Variants in RASAL2 observed in about 807,000 individuals in gnomAD.
RASAL2 encodes the protein ras GTPase-activating protein nGAP.
RASAL2 carries 58 observed loss-of-function variants against 128.9 expected under a neutral mutation model. That is an observed-to-expected ratio of 0.45 (90% CI 0.36 to 0.56). The LOEUF is 0.56. Among genes scored for constraint, RASAL2 ranks in the 20% least tolerant of loss-of-function variants. The probability of loss-of-function intolerance (pLI) is 0.00; values close to 1 mark genes in which losing one functional copy is unlikely to be tolerated. For synonymous variants in RASAL2, 561 were observed against 580.8 expected (o/e 0.97, Z 0.49); for missense variants, 1,360 against 1,601.6 (o/e 0.85, Z 2.57).
intron 1 of RASAL2, among the ~76,000 whole-genome samples, chr1:178,136,116 T>G (rs765971862): frequency 2.0e-5 from 3 of 152,190 alleles, no homozygotes; most frequent in South Asian, 4.1e-4. Flanking sequence ...ATAAAAGAAA[T>G]AAAGATAGTG....
At chr1:178,140,825 A>T (rs866266859) in intron 1 of RASAL2, among the ~76,000 whole-genome samples, 1 of 152,240 alleles carries the variant, frequency 6.6e-6, no homozygotes, top group Non-Finnish European at 1.5e-5. Context: ...CCCCCAGTGT[A>T]TTCGGTAATT....
intron 3 of RASAL2, among the ~76,000 whole-genome samples, chr1:178,327,011 G>T (rs1220460762): frequency 1.3e-5 from 2 of 152,072 alleles, no homozygotes; most frequent in Non-Finnish European, 2.9e-5. Context: ...ATATTGAAAG[G>T]CTCTTAATAA....
chr1:178,313,922 C>A (rs374399996), intron 3 of RASAL2, among the ~76,000 whole-genome samples: 15 of 152,198 alleles, frequency 9.9e-5, no homozygotes, highest in African/African-American at 3.6e-4. Context: ...TTATTATAAT[C>A]TAATAGACAA....
At chr1:178,429,977 C>T (rs765431609) in intron 5 of RASAL2, among the ~76,000 whole-genome samples, 14 of 152,074 alleles carry the variant, frequency 9.2e-5, no homozygotes, top group Non-Finnish European at 1.8e-4. Context: ...CTGAGTCCAA[C>T]TCTGCATACT....
At chr1:178,262,523 G>C (rs1363688747) in intron 1 of RASAL2, among the ~76,000 whole-genome samples, 1 of 152,124 alleles carries the variant, frequency 6.6e-6, no homozygotes, top group Non-Finnish European at 1.5e-5. Flanking sequence ...TTTGGATTCA[G>C]CTTTTTTAAA....
chr1:178,347,290 A>G (rs189314471), intron 3 of RASAL2, among the ~76,000 whole-genome samples: 138 of 152,276 alleles, frequency 9.1e-4, no homozygotes, highest in Non-Finnish European at 6.2e-4. Context: ...TTGTTCTTGA[A>G]TTAAATATTT....
intron 4 of RASAL2, among the ~76,000 whole-genome samples, chr1:178,406,458 A>G (rs1044160437): frequency 2.6e-5 from 4 of 152,188 alleles, no homozygotes; most frequent in Non-Finnish European, 4.4e-5. Flanking sequence ...GCATGAAGAC[A>G]TTTTTGGGGT....
At chr1:178,373,599 ATTAAACATAT>A (rs1233850093) in intron 3 of RASAL2, among the ~76,000 whole-genome samples, 1 of 152,042 alleles carries the variant, frequency 6.6e-6, no homozygotes, top group East Asian at 1.9e-4. Flanking sequence ...CAGAGTTATC[ATTAAACATAT>A]TTTCTGTGCT....
chr1:178,251,931 T>C (rs536604305), intron 1 of RASAL2, among the ~76,000 whole-genome samples: 33 of 152,342 alleles, frequency 2.2e-4, no homozygotes, highest in African/African-American at 7.0e-4. Context: ...TAAATGTTTA[T>C]ATATAAGTCT....
rs68062672 is a variant in RASAL2, at chr1:178,164,504, T to TGC, written c.202+69812_202+69813dup. 1.8e-3 allele frequency among the ~76,000 whole-genome samples: 256 copies of TGC among 143,112 alleles called. 1 individual carries two copies. The highest frequency in any genetic ancestry group is 2.6e-3 in the Non-Finnish European group (170 of 65,306). 93.9% of individuals were successfully genotyped at this position (143,112 alleles called of 152,430 possible). ...ATTTGTGTGTGTGTGTGTGTGTGTGTGCGTGTGTGTGTGTGTGTGTTTTAA... is the reference window on the plus strand; with the variant it reads ...ATTTGTGTGTGTGTGTGTGTGTGTGTGCGCGTGTGTGTGTGTGTGTGTTTTAA... On this transcript the variant is annotated intron_variant, in intron 1 of 17. Transcript: ENST00000367649.
At chr1:178,418,829 G>A (rs1037833186) in intron 4 of RASAL2, among the ~76,000 whole-genome samples, 3 of 152,180 alleles carry the variant, frequency 2.0e-5, no homozygotes, top group South Asian at 2.1e-4. Flanking sequence ...GAAGTGATAT[G>A]AAGCTTTAAG....
At chr1:178,366,416 C>T (rs1019220145) in intron 3 of RASAL2, among the ~76,000 whole-genome samples, 1 of 151,986 alleles carries the variant, frequency 6.6e-6, no homozygotes, top group Admixed American at 6.6e-5. Flanking sequence ...TTAATCTTTT[C>T]CTATGTGCAA....
intron 1 of RASAL2, among the ~76,000 whole-genome samples, chr1:178,185,859 G>T (rs1662273477): frequency 6.6e-6 from 1 of 151,998 alleles, no homozygotes; most frequent in Non-Finnish European, 1.5e-5. Flanking sequence ...TTCTTGTAAT[G>T]TCTCTCTCTG....
intron 17 of RASAL2, among the ~76,000 whole-genome samples, chr1:178,472,455 G>A (rs1489717463): frequency 6.6e-6 from 1 of 151,936 alleles, no homozygotes; most frequent in Non-Finnish European, 1.5e-5. Flanking sequence ...TTCCCTTTTC[G>A]GCACATCTCC....
intron 2 of RASAL2, among the ~76,000 whole-genome samples, chr1:178,287,315 T>C (rs1667074330): frequency 6.6e-6 from 1 of 151,892 alleles, no homozygotes; most frequent in Non-Finnish European, 1.5e-5. Flanking sequence ...ACAAAACATT[T>C]TCCCACTTCA....
intron 7 of RASAL2, 151 bp from the exon 8 acceptor site, chr1:178,442,524 G>A (rs1676722986): frequency 1.7e-6 from 1 of 581,928 alleles, no homozygotes; most frequent in Non-Finnish European, 3.0e-6. Context: ...TTTAGAGCTT[G>A]CTGTTAACCT....
At chr1:178,400,655 A>T (rs988501058) in intron 4 of RASAL2, among the ~76,000 whole-genome samples, 2 of 152,164 alleles carry the variant, frequency 1.3e-5, no homozygotes, top group Non-Finnish European at 2.9e-5. Context: ...ATGTTATTGA[A>T]TATTTTACAG....
intron 3 of RASAL2, among the ~76,000 whole-genome samples, chr1:178,352,697 C>G (rs766686805): frequency 7.9e-5 from 12 of 152,236 alleles, no homozygotes; most frequent in African/African-American, 2.9e-4. Context: ...TAGAGGTTCT[C>G]CATGAGGGCT....
intron 3 of RASAL2, among the ~76,000 whole-genome samples, chr1:178,340,900 A>G (rs917206249): frequency 2.0e-5 from 3 of 151,962 alleles, no homozygotes; most frequent in Admixed American, 2.0e-4. Context: ...TTTTTTAAAA[A>G]TAACTTTTAA....
Sources: allele counts gnomAD v4.1 joint callset (sites outside exome capture counted in the v4.1 genomes callset), GRCh38; gene constraint gnomAD v4.1.1; transcripts MANE v1.5; gene names NCBI Gene and HGNC (gene_info 2026-07-23, HGNC 2026-07-21).